Variants in SSU72 observed in about 807,000 individuals in gnomAD.
SSU72 encodes the protein RNA polymerase II subunit A C-terminal domain phosphatase SSU72.
A neutral mutation model predicts 22.7 loss-of-function variants in SSU72; 12 were observed. The observed-to-expected ratio is 0.53, with a 90% CI of 0.34 to 0.86. The LOEUF is 0.86. Ranked by LOEUF, SSU72 falls within the 40% of genes least tolerant of loss-of-function variation. The pLI is 0.02. For missense variants in SSU72, 151 were observed against 249.8 expected (o/e 0.60, Z 2.67); for synonymous variants, 116 against 98.3 (o/e 1.18, Z -1.06).
intron 2 of SSU72, among the ~76,000 whole-genome samples, chr1:1,560,160 G>A (rs1642570469): frequency 6.6e-6 from 1 of 152,078 alleles, no homozygotes; most frequent in Non-Finnish European, 1.5e-5. Flanking sequence ...CCCCATGTAT[G>A]TATACTATTA....
In SSU72 at chr1:1,554,116, T is replaced by TCCA. The variant is rs1642488154; in HGVS notation, c.225-9115_225-9114insTGG. On this transcript the variant is annotated intron_variant, in intron 2 of 4. Transcript: ENST00000291386. This position sits in a 1 kb window ranked among gnomAD's most constrained non-coding sequence, Gnocchi z 4.1. ...GTGCAGCTCCAGGGAGTGGAGCGGTTGTGAGATTCACCATCAGCAAAAAGT... is the reference window on the plus strand; with the variant it reads ...GTGCAGCTCCAGGGAGTGGAGCGGTTCCAGTGAGATTCACCATCAGCAAAAAGT... Among the ~76,000 whole-genome samples, 1 of 152,200 alleles carries TCCA rather than the reference T, an allele frequency of 6.6e-6. No homozygotes were observed. Among genetic ancestry groups the TCCA allele is most frequent in the Non-Finnish European group, 1.5e-5 (1 of 68,038 alleles).
intron 2 of SSU72, among the ~76,000 whole-genome samples, chr1:1,551,769 T>TA (rs1191153975): frequency 6.6e-6 from 1 of 152,226 alleles, no homozygotes; most frequent in Non-Finnish European, 1.5e-5. Context: ...TGCCCATCCT[T>TA]ACGCCAACGT....
chr1:1,550,090 A>C (rs1570385014), intron 2 of SSU72, among the ~76,000 whole-genome samples: 1 of 151,588 alleles, frequency 6.6e-6, no homozygotes, highest in East Asian at 1.9e-4. Flanking sequence ...GAGGCACAAG[A>C]ATCACTTGAA....
intron 1 of SSU72, among the ~76,000 whole-genome samples, chr1:1,573,255 A>G (rs1642756698): frequency 7.9e-6 from 1 of 126,006 alleles, no homozygotes; most frequent in Non-Finnish European, 1.5e-5. Flanking sequence ...CTCCGTCTCT[A>G]CTAAAAATAC....
intron 2 of SSU72, among the ~76,000 whole-genome samples, chr1:1,548,755 T>A (rs1171704952): frequency 2.0e-5 from 3 of 152,134 alleles, no homozygotes; most frequent in Non-Finnish European, 4.4e-5. Context: ...CCGGAGGCCT[T>A]CTGGACTTTG....
At chr1:1,559,498 G>A (rs1570392832) in intron 2 of SSU72, among the ~76,000 whole-genome samples, 1 of 152,152 alleles carries the variant, frequency 6.6e-6, no homozygotes, top group African/African-American at 2.4e-5. Flanking sequence ...GTCCACCCAA[G>A]GAAAGAACCT....
intron 2 of SSU72, among the ~76,000 whole-genome samples, chr1:1,559,880 A>T (rs1413159255): frequency 6.6e-6 from 1 of 152,054 alleles, no homozygotes; most frequent in Non-Finnish European, 1.5e-5. Flanking sequence ...ATGCACCACG[A>T]TGGCCGGCTA....
At chr1:1,543,130 T>C (rs1042875216) in intron 4 of SSU72, among the ~76,000 whole-genome samples, 1 of 152,180 alleles carries the variant, frequency 6.6e-6, no homozygotes, top group East Asian at 1.9e-4. Flanking sequence ...GCCCAGCACC[T>C]CCACGCCGCA....
chr1:1,565,709 G>A (rs77167259), intron 1 of SSU72, among the ~76,000 whole-genome samples: 1,616 of 152,258 alleles, frequency 0.011, 31 homozygotes, highest in East Asian at 0.059. Context: ...AACAGATGCC[G>A]CGATGGGTCC....
chr1:1,565,445 T>G (rs1642648435), intron 1 of SSU72, among the ~76,000 whole-genome samples: 1 of 152,206 alleles, frequency 6.6e-6, no homozygotes, highest in Non-Finnish European at 1.5e-5. Context: ...AGGCTTTACT[T>G]TAAACTGAAA....
At chr1:1,572,883 G>GA (rs1359959356) in intron 1 of SSU72, among the ~76,000 whole-genome samples, 1 of 148,268 alleles carries the variant, frequency 6.7e-6, no homozygotes, top group African/African-American at 2.5e-5. Context: ...GTCTTGGGGG[G>GA]GGGGGGGTGA....
intron 2 of SSU72, among the ~76,000 whole-genome samples, chr1:1,558,016 A>C (rs1642541452): frequency 6.6e-6 from 1 of 151,932 alleles, no homozygotes; most frequent in Non-Finnish European, 1.5e-5. Flanking sequence ...AGCCTGGCCA[A>C]CATGGTGAAA....
chr1:1,547,602 C>T lies in SSU72; in HGVS notation c.225-2600G>A, dbSNP rs140984136. ...CCATGAGCTCACAGGGACGCAAGAT[C>T]CCACCTGAATTCCGGCAGCAAAACC... is the stretch of plus-strand genomic sequence containing the variant. On this transcript the variant is annotated intron_variant, in intron 2 of 4. Coordinates refer to ENST00000291386, the MANE Select transcript of SSU72 (RefSeq NM_014188.3). Among the ~76,000 whole-genome samples, 1,153 of 152,326 alleles carry T rather than the reference C, an allele frequency of 7.6e-3. 29 individuals carry two copies. Among genetic ancestry groups the T allele is most frequent in the South Asian group, 7.7e-3 (37 of 4,830 alleles).
At chr1:1,567,715 G>A (rs7367692) in intron 1 of SSU72, among the ~76,000 whole-genome samples, 77,874 of 151,240 alleles carry the variant, frequency 0.51, 24,307 homozygotes, top group East Asian at 0.86. Context: ...TCAGGAGTTC[G>A]ACAACAGCCT....
At chr1:1,563,557 A>AT (rs1642622038) in intron 2 of SSU72, 1 of 150,854 alleles carries the variant, frequency 6.6e-6, no homozygotes, top group African/African-American at 2.4e-5. Flanking sequence ...AAAAAAAAAA[A>AT]ATACAAGAGT....
At chr1:1,546,177 G>C (rs917978428) in intron 2 of SSU72, 1 of 152,260 alleles carries the variant, frequency 6.6e-6, no homozygotes, top group Non-Finnish European at 1.5e-5. Flanking sequence ...CAGATGGTCA[G>C]GGACAAGTAA....
intron 1 of SSU72, 69 bp downstream of exon 1, chr1:1,574,409 G>A (rs981153048): frequency 3.3e-6 from 5 of 1,504,570 alleles, no homozygotes; most frequent in Admixed American, 2.0e-5. Context: ...GCGGGCCAGG[G>A]GGAACCGGGG....
chr1:1,555,030 A>G (rs1349412311), intron 2 of SSU72, among the ~76,000 whole-genome samples: 1 of 152,136 alleles, frequency 6.6e-6, no homozygotes, highest in Non-Finnish European at 1.5e-5. Context: ...GAGCATGCTA[A>G]GTGCTGCTGC....
rs746136049 is a variant in SSU72, at chr1:1,574,489, G to A, written c.69C>T (p.His23=). The change falls in exon 1 of 5, where the codon CAC becomes CAT. Residue 23 remains histidine (H), a synonymous_variant. Coordinates refer to ENST00000291386, the MANE Select transcript of SSU72 (RefSeq NM_014188.3). Reference sequence around the variant, plus strand: ...TGGAGCCCAACTACCTGAGGATGTTGTGCGCCTCCATGCTCCGGTTCTGGT... The same window carrying A: ...TGGAGCCCAACTACCTGAGGATGTTATGCGCCTCCATGCTCCGGTTCTGGT... ...SSNQNRSMEA[H]NILSKRGFSV... 5 of 1,595,762 alleles carry A rather than the reference G, an allele frequency of 3.1e-6. No individual in the cohort carries two copies. The South Asian group carries it at 4.5e-5, about 14-fold the overall frequency.
Sources: gnomAD v4.1 joint callset for allele counts (sites outside exome capture counted in the v4.1 genomes callset) on GRCh38, gnomAD v4.1.1 for gene constraint, Gnocchi (gnomAD v3.1) non-coding constraint, MANE v1.5 for transcripts, NCBI Gene and HGNC (gene_info 2026-07-23, HGNC 2026-07-21) for gene names.